The following BRI3 variants were observed in gnomAD, a reference collection of about 807,000 sequenced individuals.
The protein encoded by BRI3 is brain protein I3.
In BRI3, 6 loss-of-function variants were observed where a neutral mutation model predicts 12.8. The ratio of observed to expected loss-of-function variants is 0.47; its 90% CI spans 0.26 to 0.93. The LOEUF is 0.93. BRI3 is among the 40% of genes least tolerant of loss of function. The pLI is 0.15. For missense variants in BRI3, 134 were observed against 171.1 expected (o/e 0.78, Z 1.21); for synonymous variants, 91 against 76.1 (o/e 1.20, Z -1.02).
exon 2 of BRI3, chr7:98,310,033 T>C (rs1020885509): frequency 6.2e-6 from 1 of 160,874 alleles, no homozygotes; most frequent in Non-Finnish European, 1.4e-5. Flanking sequence ...GTATTTTTAG[T>C]AGCGATGGGG....
At chr7:98,304,503 CACACACACAG>C (rs1438655653), upstream of BRI3, 4 of 935,334 alleles carry the variant, frequency 4.3e-6, no homozygotes, top group African/African-American at 1.8e-5. Context: ...ATCTTGATCT[CACACACACAG>C]ACACACACAG....
chr7:98,283,707 G>A (rs763927636), intron 2 of BRI3, among the ~76,000 whole-genome samples: 8 of 152,176 alleles, frequency 5.3e-5, no homozygotes, highest in Middle Eastern at 3.2e-3. Flanking sequence ...CTGCCATCCC[G>A]GTGTCCAGCC....
At chr7:98,306,687 C>T (rs1389034245) in intron 1 of BRI3, 2 of 959,824 alleles carry the variant, frequency 2.1e-6, no homozygotes, top group South Asian at 1.7e-5. Flanking sequence ...CTTTCACATA[C>T]ACTGAACAAT....
chr7:98,310,553 T>C, downstream of BRI3: 1 of 1,592,386 alleles, frequency 6.3e-7, no homozygotes, highest in Non-Finnish European at 8.5e-7. Flanking sequence ...GGGGGCATCT[T>C]TGGTGAGCAT....
the BRI3 span, among the ~76,000 whole-genome samples, chr7:98,318,772 G>C: frequency 6.6e-6 from 1 of 151,320 alleles, no homozygotes; most frequent in African/African-American, 2.4e-5. Flanking sequence ...GTGAAACCCC[G>C]TCTCTACTAA....
chr7:98,300,202 T>C (rs1429883098), intron 1 of BRI3, among the ~76,000 whole-genome samples: 1 of 152,150 alleles, frequency 6.6e-6, no homozygotes, highest in Non-Finnish European at 1.5e-5. Context: ...ACATGCTTGA[T>C]CCATGATCCC....
At chr7:98,295,845 C>T (rs899338667), downstream of BRI3, among the ~76,000 whole-genome samples, 5 of 152,176 alleles carry the variant, frequency 3.3e-5, no homozygotes, top group Non-Finnish European at 7.4e-5. Flanking sequence ...TCACAAAGAA[C>T]GCAGCAAGAA....
At position 98,282,380 on chromosome 7, in the gene BRI3, A is replaced by T; in HGVS notation, c.172A>T (p.Asn58Tyr). Residue 58 changes from asparagine to tyrosine, a missense_variant, in exon 2 of 3, where the codon AAC (asparagine) becomes TAC (tyrosine). Asn to Tyr is a moderately radical substitution (Grantham distance 143). Transcript: ENST00000297290. ...ACCCACCCACCATCCCAGGGTCTACAACATCCACAGCCGGACCGTCACCCG... is the reference window on the plus strand; with the variant it reads ...ACCCACCCACCATCCCAGGGTCTACTACATCCACAGCCGGACCGTCACCCG... ...GIPTHHPRVY[N>Y]IHSRTVTRYP... The T allele has an allele frequency of 6.2e-7, 1 of 1,614,018 alleles. No homozygotes were observed. Among genetic ancestry groups the T allele is most frequent in the South Asian group, 1.1e-5 (1 of 91,074 alleles).
At chr7:98,305,590 G>T (rs143755221), upstream of BRI3, among the ~76,000 whole-genome samples, 28 of 152,138 alleles carry the variant, frequency 1.8e-4, no homozygotes, top group African/African-American at 5.3e-4. Flanking sequence ...CTGGCTAATT[G>T]TTTATTTTTT....
Position 98,291,472 on chromosome 7 carries a change from C to T in BRI3, c.*229C>T. 7.4e-7 allele frequency: 1 copy of T among 1,352,870 alleles called. No homozygotes were observed. The highest frequency in any genetic ancestry group is 9.5e-7 in the Non-Finnish European group (1 of 1,052,758). 83.8% of individuals were successfully genotyped at this position (1,352,870 alleles called of 1,614,324 possible). A position where few individuals can be genotyped will look rare whatever the true frequency, so the allele number is the denominator to read the frequency against. On this transcript the variant is annotated 3_prime_UTR_variant, in exon 3 of 3. Transcript: ENST00000297290. The stretch of plus-strand genomic sequence containing the variant: ...CACTGCTTTTATTTTTTGCAGTCTT[C>T]AATTTGAGAAAGGTGAGAAATAATG...
At chr7:98,288,336 G>A (rs922062205) in intron 2 of BRI3, among the ~76,000 whole-genome samples, 1 of 152,076 alleles carries the variant, frequency 6.6e-6, no homozygotes, top group Admixed American at 6.5e-5. Flanking sequence ...TGTGGCACCT[G>A]GGGGAGAAGG....
downstream of BRI3, chr7:98,292,015 T>C (rs1174943605): frequency 6.5e-6 from 1 of 153,004 alleles, no homozygotes; most frequent in Non-Finnish European, 1.5e-5. Flanking sequence ...CAGACTGGGG[T>C]TGTTAACATA....
chr7:98,287,894 C>T (rs763305156), intron 2 of BRI3, among the ~76,000 whole-genome samples: 3 of 152,196 alleles, frequency 2.0e-5, no homozygotes, highest in Non-Finnish European at 4.4e-5. Flanking sequence ...CCCCTTTGCC[C>T]AGCCTCCTCC....
chr7:98,287,934 TCAGCTCTGCCTG>T (rs1362885219), intron 2 of BRI3, among the ~76,000 whole-genome samples: 1 of 152,146 alleles, frequency 6.6e-6, no homozygotes. Context: ...GAACAGGCAG[TCAGCTCTGCCTG>T]CAGCCCTGCC....
downstream of BRI3, among the ~76,000 whole-genome samples, chr7:98,294,773 A>G (rs1475640727): frequency 2.0e-5 from 3 of 152,220 alleles, no homozygotes; most frequent in Non-Finnish European, 1.5e-5. Flanking sequence ...TGGGGCTGCT[A>G]GAGCCAGGGA....
At chr7:98,291,063 C>G in intron 2 of BRI3, 48 bp from the exon 3 acceptor site, 1 of 1,608,820 alleles carries the variant, frequency 6.2e-7, no homozygotes, top group Non-Finnish European at 8.5e-7. Context: ...AGGGTTCTGG[C>G]TGCCCGGGTC....
chr7:98,317,487 A>C, the BRI3 span: 1 of 1,226,118 alleles, frequency 8.2e-7, no homozygotes, highest in Non-Finnish European at 1.1e-6. Flanking sequence ...CCATCCTCAC[A>C]CTGGCTGGGG....
chr7:98,301,766 C>T (rs1365144063), upstream of BRI3, among the ~76,000 whole-genome samples: 2 of 151,988 alleles, frequency 1.3e-5, no homozygotes, highest in Non-Finnish European at 2.9e-5. Context: ...TGGAGGCAGC[C>T]GGGGACTGGA....
downstream of BRI3, among the ~76,000 whole-genome samples, chr7:98,294,852 G>A (rs559067884): frequency 9.8e-5 from 15 of 152,326 alleles, no homozygotes; most frequent in Non-Finnish European, 1.9e-4. Flanking sequence ...TACAGGGCTC[G>A]GGTGGGGAGC....
Sources: gnomAD v4.1 joint callset for allele counts (sites outside exome capture counted in the v4.1 genomes callset) on GRCh38, gnomAD v4.1.1 for gene constraint, MANE v1.5 for transcripts, NCBI Gene and HGNC (gene_info 2026-07-23, HGNC 2026-07-21) for gene names.